EPDR1: variants seen among roughly 807,000 people sequenced by gnomAD.
EPDR1 encodes ependymin related 1.
In EPDR1, 27 loss-of-function variants were observed where a neutral mutation model predicts 23.7. The observed-to-expected ratio is 1.14, with a 90% CI of 0.84 to 1.57. The LOEUF (loss-of-function observed/expected upper bound fraction) is 1.57, where lower values mean the gene tolerates loss of function less well. Among genes scored for constraint, EPDR1 ranks in the 40% most tolerant of loss-of-function variants. The pLI is 0.00. For missense variants in EPDR1, 349 were observed against 290.4 expected (o/e 1.20, Z -1.47); for synonymous variants, 137 against 118.2 (o/e 1.16, Z -1.03).
intron 1 of EPDR1, among the ~76,000 whole-genome samples, chr7:37,935,829 G>A (rs1583666717): frequency 6.6e-6 from 1 of 150,954 alleles, no homozygotes; most frequent in South Asian, 2.1e-4. Context: ...TATGAGATGG[G>A]AATTTCATTT....
intron 1 of EPDR1, among the ~76,000 whole-genome samples, chr7:37,936,679 TA>T (rs1368616824): frequency 1.3e-5 from 2 of 152,122 alleles, no homozygotes; most frequent in African/African-American, 4.8e-5. Flanking sequence ...ATAACCTTGC[TA>T]GAATGATAGT....
intron 2 of EPDR1, 134 bp downstream of exon 2, chr7:37,949,182 G>A: frequency 1.3e-6 from 1 of 759,168 alleles, no homozygotes; most frequent in Non-Finnish European, 2.1e-6. Flanking sequence ...ACTTAGGTCT[G>A]CAGGTTACTT....
chr7:37,944,791 A>G (rs1786239521), intron 1 of EPDR1, among the ~76,000 whole-genome samples: 1 of 152,230 alleles, frequency 6.6e-6, no homozygotes, highest in Non-Finnish European at 1.5e-5. Flanking sequence ...CAGCCAAACC[A>G]TATTAATGAC....
chr7:37,938,431 T>A (rs1037349724), intron 1 of EPDR1, among the ~76,000 whole-genome samples: 3 of 152,186 alleles, frequency 2.0e-5, no homozygotes, highest in Non-Finnish European at 4.4e-5. Context: ...GCAGAAACAT[T>A]GATATGGTGG....
intron 1 of EPDR1, among the ~76,000 whole-genome samples, chr7:37,937,747 A>C (rs1396253742): frequency 2.0e-5 from 3 of 152,250 alleles, no homozygotes; most frequent in Non-Finnish European, 4.4e-5. Flanking sequence ...CCACACCTTA[A>C]ATCTATGCAA....
chr7:37,948,343 T>A (rs1223821505), intron 1 of EPDR1, among the ~76,000 whole-genome samples: 3 of 62,474 alleles, frequency 4.8e-5, no homozygotes, highest in Non-Finnish European at 3.0e-5. Flanking sequence ...TTGACCTCAA[T>A]TTTTTTTTTT....
At chr7:37,940,782 C>T (rs972835623) in intron 1 of EPDR1, among the ~76,000 whole-genome samples, 7 of 147,472 alleles carry the variant, frequency 4.7e-5, no homozygotes, top group South Asian at 2.3e-4. Flanking sequence ...TGGAAAATAT[C>T]TATATGAATT....
chr7:37,931,997 C>A (rs565227268), intron 1 of EPDR1, among the ~76,000 whole-genome samples: 1 of 152,134 alleles, frequency 6.6e-6, no homozygotes, highest in Non-Finnish European at 1.5e-5. Flanking sequence ...CGTGAGCCAC[C>A]GCGCCCGGTC....
intron 1 of EPDR1, among the ~76,000 whole-genome samples, chr7:37,943,211 A>G (rs1287073197): frequency 6.6e-6 from 1 of 152,194 alleles, no homozygotes; most frequent in African/African-American, 2.4e-5. Flanking sequence ...CTGAACACCA[A>G]TTCCAGCATC....
chr7:37,946,813 A>G (rs1363318688), intron 1 of EPDR1, among the ~76,000 whole-genome samples: 2 of 151,832 alleles, frequency 1.3e-5, no homozygotes, highest in African/African-American at 2.4e-5. Flanking sequence ...TTAATAAAAT[A>G]AATTTTAAAA....
intron 1 of EPDR1, among the ~76,000 whole-genome samples, chr7:37,933,309 C>A (rs1406106607): frequency 1.3e-5 from 2 of 152,154 alleles, no homozygotes; most frequent in South Asian, 2.1e-4. Flanking sequence ...TTTGTAATCA[C>A]AATATAATAT....
intron 1 of EPDR1, among the ~76,000 whole-genome samples, chr7:37,925,861 A>T (rs182775264): frequency 2.8e-4 from 42 of 152,378 alleles, no homozygotes; most frequent in Non-Finnish European, 5.0e-4. Context: ...TTTCTAATGC[A>T]ATGAACTTGA....
chr7:37,940,292 T>C (rs901450168), intron 1 of EPDR1, among the ~76,000 whole-genome samples: 1 of 152,092 alleles, frequency 6.6e-6, no homozygotes, highest in Non-Finnish European at 1.5e-5. Context: ...ATAAGGAGCA[T>C]GAGGAATAGG....
chr7:37,935,341 A>G (rs1786026828), intron 1 of EPDR1, among the ~76,000 whole-genome samples: 2 of 152,192 alleles, frequency 1.3e-5, no homozygotes, highest in Admixed American at 6.5e-5. Flanking sequence ...CTTCTTTGTT[A>G]CGTAGTAGAG....
In EPDR1 at chr7:37,950,382, G is replaced by A; in HGVS notation, c.661G>A (p.Asp221Asn). The A allele has an allele frequency of 6.2e-7, 1 of 1,612,590 alleles. No individual in the cohort carries two copies. The highest frequency in any genetic ancestry group is 8.5e-7 in the Non-Finnish European group (1 of 1,179,316). ...GGCCCAACTGGAGAAGATGAGCGAAGACTGCTCCTGGTGAGCCTGTGCATA... is the reference window on the plus strand; with the variant it reads ...GGCCCAACTGGAGAAGATGAGCGAAAACTGCTCCTGGTGAGCCTGTGCATA... ...QMAQLEKMSE[D>N]CSW Residue 221 changes from aspartate to asparagine, a missense_variant, in exon 3 of 3, where the codon GAC (aspartate) becomes AAC (asparagine). Asp to Asn is a conservative substitution (Grantham distance 23). Coordinates refer to ENST00000199448, the MANE Select transcript of EPDR1 (RefSeq NM_017549.5).
chr7:37,950,016 T>TG (rs1786365010), intron 2 of EPDR1, among the ~76,000 whole-genome samples, 184 bp from the exon 3 acceptor site: 1 of 152,122 alleles, frequency 6.6e-6, no homozygotes, highest in Admixed American at 6.5e-5. Flanking sequence ...TTTGGGAAGA[T>TG]GAAAAAAGTT....
In EPDR1 at chr7:37,920,762, G is replaced by A. The variant is rs1394789049; in HGVS notation, c.-178G>A. 20 of 1,609,616 alleles carry A rather than the reference G, an allele frequency of 1.2e-5. No individual in the cohort carries two copies. In the Admixed American group the frequency reaches 3.2e-4, roughly 26 times the overall value. On this transcript the variant is annotated 5_prime_UTR_variant, in exon 1 of 3. Coordinates refer to ENST00000199448, the MANE Select transcript of EPDR1 (RefSeq NM_017549.5). ...CCCGGGCCCTGGTCCCGGCTACCGG[G>A]ACTCGCGCGTCCGGATCTCAAAAGC...
chr7:37,923,592 T>G (rs569369769), intron 1 of EPDR1, among the ~76,000 whole-genome samples: 1 of 152,222 alleles, frequency 6.6e-6, no homozygotes, highest in East Asian at 1.9e-4. Flanking sequence ...GAAGATGGAC[T>G]GGGATGGCCG....
chr7:37,928,454 A>G (rs560867538), intron 1 of EPDR1, among the ~76,000 whole-genome samples: 1 of 151,864 alleles, frequency 6.6e-6, no homozygotes, highest in African/African-American at 2.4e-5. Flanking sequence ...CTCCTCTTCT[A>G]TTTAAAGCAA....
Sources: allele counts gnomAD v4.1 joint callset (sites outside exome capture counted in the v4.1 genomes callset), GRCh38; gene constraint gnomAD v4.1.1; transcripts MANE v1.5; gene names NCBI Gene and HGNC (gene_info 2026-07-23, HGNC 2026-07-21).